The following ATP6V0A4 variants were observed in gnomAD, a reference collection of about 807,000 sequenced individuals.
ATP6V0A4 encodes the protein V-type proton ATPase 116 kDa subunit a 4.
ATP6V0A4 carries 86 observed loss-of-function variants against 107.3 expected under a neutral mutation model. The ratio of observed to expected loss-of-function variants is 0.80; its 90% CI spans 0.67 to 0.96. ATP6V0A4 has a LOEUF of 0.96. Ranked by LOEUF, ATP6V0A4 falls within the 40% of genes least tolerant of loss-of-function variation. The pLI, the probability that ATP6V0A4 is intolerant of heterozygous loss-of-function variation, is 0.00. For missense variants in ATP6V0A4, 908 were observed against 1,045.6 expected (o/e 0.87, Z 1.81); for synonymous variants, 353 against 381.4 (o/e 0.93, Z 0.87).
chr7:138,737,579 CTTTT>C (rs373540257), intron 15 of ATP6V0A4, among the ~76,000 whole-genome samples: 1 of 134,640 alleles, frequency 7.4e-6, no homozygotes. Context: ...TTTTCTTTTT[CTTTT>C]TTTTTTTTTT....
chr7:138,734,021 C>A, intron 16 of ATP6V0A4, 115 bp downstream of exon 16: 1 of 1,218,798 alleles, frequency 8.2e-7, no homozygotes. Flanking sequence ...GGGAAGTACC[C>A]CTCATAGGAA....
intron 14 of ATP6V0A4, 25 bp from the exon 15 acceptor site, chr7:138,739,658 AC>A: frequency 6.2e-7 from 1 of 1,613,462 alleles, no homozygotes; most frequent in South Asian, 1.1e-5. Flanking sequence ...AAGGAGAAAA[AC>A]AAACAATGAT....
At chr7:138,728,959 C>T (rs1804851366) in intron 17 of ATP6V0A4, 97 bp from the exon 18 acceptor site, 3 of 1,601,678 alleles carry the variant, frequency 1.9e-6, no homozygotes, top group South Asian at 2.2e-5. Context: ...TTCACTAGCA[C>T]TTTATTTTGA....
At chr7:138,755,160 TTGA>T (rs1275828650) in intron 10 of ATP6V0A4, among the ~76,000 whole-genome samples, 2 of 152,176 alleles carry the variant, frequency 1.3e-5, no homozygotes, top group Non-Finnish European at 2.9e-5. Context: ...GCTGCTGTGA[TTGA>T]AGAAAGATTT....
chr7:138,718,279 GGTGTGTGTGTGT>G (rs777538832), intron 19 of ATP6V0A4, among the ~76,000 whole-genome samples: 894 of 12,726 alleles, frequency 0.07, 90 homozygotes, highest in Middle Eastern at 0.19. Flanking sequence ...AAGGAATGGC[GGTGTGTGTGTGT>G]GTGTGTGTGT....
chr7:138,731,249 T>C (rs886433134), intron 17 of ATP6V0A4, among the ~76,000 whole-genome samples: 10 of 152,096 alleles, frequency 6.6e-5, no homozygotes, highest in Non-Finnish European at 1.2e-4. Context: ...CTTTTTCTTA[T>C]TGATGCTTGG....
At chr7:138,708,693 C>G (rs2117175324) in intron 21 of ATP6V0A4, among the ~76,000 whole-genome samples, 1 of 152,296 alleles carries the variant, frequency 6.6e-6, no homozygotes, top group South Asian at 2.1e-4. Flanking sequence ...TGAGCGTCTC[C>G]CTCCTGGTGG....
intron 20 of ATP6V0A4, among the ~76,000 whole-genome samples, chr7:138,711,387 T>A (rs543538351): frequency 6.6e-5 from 10 of 152,320 alleles, no homozygotes; most frequent in South Asian, 2.1e-4. Flanking sequence ...CACGTGTGAA[T>A]GCTTCTTCCC....
At chr7:138,787,777 C>G (rs1040687886) in intron 1 of ATP6V0A4, among the ~76,000 whole-genome samples, 6 of 152,064 alleles carry the variant, frequency 3.9e-5, no homozygotes, top group Non-Finnish European at 8.8e-5. Flanking sequence ...GCGGAAGGAT[C>G]GCTTGAGCCC....
intron 20 of ATP6V0A4, among the ~76,000 whole-genome samples, chr7:138,712,780 C>T (rs1228463809): frequency 6.6e-6 from 1 of 151,986 alleles, no homozygotes; most frequent in East Asian, 1.9e-4. Flanking sequence ...CCAGAGGACA[C>T]CCCGACACAT....
chr7:138,721,504 A>C (rs1293040001), intron 19 of ATP6V0A4, among the ~76,000 whole-genome samples: 1 of 152,172 alleles, frequency 6.6e-6, no homozygotes, highest in Non-Finnish European at 1.5e-5. Flanking sequence ...GGCTCACTCC[A>C]GCCTGGGCAA....
chr7:138,768,738 G>A, intron 5 of ATP6V0A4, 42 bp downstream of exon 5: 2 of 1,610,016 alleles, frequency 1.2e-6, no homozygotes, highest in Non-Finnish European at 8.5e-7. Context: ...CAGGCTTCAT[G>A]ACTGTCCTTA....
chr7:138,765,369 T>A (rs1807034564), intron 5 of ATP6V0A4, among the ~76,000 whole-genome samples: 1 of 152,140 alleles, frequency 6.6e-6, no homozygotes, highest in Non-Finnish European at 1.5e-5. Flanking sequence ...CTCTATCCAC[T>A]TAAGGATGCC....
intron 14 of ATP6V0A4, among the ~76,000 whole-genome samples, chr7:138,743,899 A>G (rs1208522994): frequency 6.6e-6 from 1 of 152,086 alleles, no homozygotes; most frequent in Non-Finnish European, 1.5e-5. Context: ...CGCAATTTCT[A>G]TTTGTTCACT....
At chr7:138,727,798 A>C (rs960134407) in intron 18 of ATP6V0A4, among the ~76,000 whole-genome samples, 2 of 152,230 alleles carry the variant, frequency 1.3e-5, no homozygotes, top group Middle Eastern at 3.2e-3. Context: ...TGTGTGTCAG[A>C]GCTAGACGCT....
intron 11 of ATP6V0A4, among the ~76,000 whole-genome samples, chr7:138,750,250 CT>C (rs1427504312): frequency 6.6e-6 from 1 of 152,080 alleles, no homozygotes. Context: ...TTGCTCAAGT[CT>C]TTTTTCTTTT....
At chr7:138,747,178 T>C (rs547895978) in intron 13 of ATP6V0A4, among the ~76,000 whole-genome samples, 1 of 152,196 alleles carries the variant, frequency 6.6e-6, no homozygotes, top group Admixed American at 6.5e-5. Flanking sequence ...AGAAAAAATA[T>C]ATAATGAAAA....
rs1554389576 is a variant in ATP6V0A4 at position 138,718,305 on chromosome 7, T to TGTGTGC, written c.2140-2425_2140-2424insGCACAC. 4.2e-4 allele frequency among the ~76,000 whole-genome samples: 23 copies of TGTGTGC among 54,850 alleles called. 1 individual carries two copies. The highest frequency in any genetic ancestry group is 1.2e-3 in the African/African-American group (20 of 16,550). 36.0% of individuals were successfully genotyped at this position (54,850 alleles called of 152,430 possible). On this transcript the variant is annotated intron_variant, in intron 19 of 21. Coordinates refer to ENST00000310018, the MANE Select transcript of ATP6V0A4 (RefSeq NM_020632.3). Reference sequence around the variant, plus strand: ...GTGTGTGTGTGTGTGTGTGTGTGTGTGTGTGTGTGTGTGTGCAGTTATGGA... The same window carrying TGTGTGC: ...GTGTGTGTGTGTGTGTGTGTGTGTGTGTGTGCGTGTGTGTGTGTGTGCAGTTATGGA...
At chr7:138,752,319 G>A (rs1389575406) in intron 11 of ATP6V0A4, among the ~76,000 whole-genome samples, 16 of 151,812 alleles carry the variant, frequency 1.1e-4, no homozygotes, top group African/African-American at 3.9e-4. Context: ...GCAGTGAGCC[G>A]AGACTGTGCC....
Sources: gnomAD v4.1 joint callset for allele counts (sites outside exome capture counted in the v4.1 genomes callset) on GRCh38, gnomAD v4.1.1 for gene constraint, MANE v1.5 for transcripts, NCBI Gene and HGNC (gene_info 2026-07-23, HGNC 2026-07-21) for gene names.